CTNNA3: variants seen among roughly 807,000 people sequenced by gnomAD.
CTNNA3 encodes the protein catenin alpha 3.
A neutral mutation model predicts 95.7 loss-of-function variants in CTNNA3; 76 were observed. The ratio of observed to expected loss-of-function variants is 0.79; its 90% CI spans 0.66 to 0.96. CTNNA3 has a LOEUF of 0.96. Among genes scored for constraint, CTNNA3 ranks in the 40% least tolerant of loss-of-function variants. CTNNA3 has a pLI of 0.00. For missense variants in CTNNA3, 1,191 were observed against 1,089.8 expected (o/e 1.09, Z -1.31); for synonymous variants, 431 against 374.4 (o/e 1.15, Z -1.74).
At chr10:66,123,976 G>A (rs1383294074) in intron 13 of CTNNA3, among the ~76,000 whole-genome samples, 1 of 151,968 alleles carries the variant, frequency 6.6e-6, no homozygotes, top group Non-Finnish European at 1.5e-5. Context: ...GACATACCCT[G>A]GAGACATTAT....
chr10:66,809,229 T>C lies in CTNNA3; in HGVS notation c.1048-33705A>G, dbSNP rs926458784. Among the ~76,000 whole-genome samples, 3 of 152,322 alleles carry C rather than the reference T, an allele frequency of 2.0e-5. 1 individual carries two copies. The highest frequency in any genetic ancestry group is 4.4e-5 in the Non-Finnish European group (3 of 68,026). On this transcript the variant is annotated intron_variant, in intron 7 of 17. Coordinates refer to ENST00000433211, the MANE Select transcript of CTNNA3 (RefSeq NM_013266.4). ...AAAGCAGGCAATTTGACTGGAATTA[T>C]TAAATACATACATCTATCTGGCAAG...
intron 13 of CTNNA3, among the ~76,000 whole-genome samples, chr10:66,225,390 AATATATATAT>A (rs3053735): frequency 0.026 from 3,246 of 125,964 alleles, 150 homozygotes; most frequent in African/African-American, 0.093. Context: ...ATTTTATTCA[AATATATATAT>A]ATATATATAT....
rs151005592 is a variant in CTNNA3, at chr10:67,192,930, A to G, written c.844-12410T>C. ...ACTTACAATAGAATAGTATTCAGCT[A>G]TAAGAAATGAAGAAAATCTTGCCAT... On this transcript the variant is annotated intron_variant, in intron 6 of 17. Transcript: ENST00000433211. Among the ~76,000 whole-genome samples the G allele has an allele frequency of 2.0e-5, 3 of 152,182 alleles. No individual in the cohort carries two copies. In the East Asian group the frequency reaches 5.8e-4, roughly 29 times the overall value.
intron 12 of CTNNA3, among the ~76,000 whole-genome samples, chr10:66,350,237 G>T (rs1201308427): frequency 6.6e-6 from 1 of 152,066 alleles, no homozygotes; most frequent in African/African-American, 2.4e-5. Flanking sequence ...CTCACTGAAA[G>T]ACACATAAGA....
At chr10:67,129,623 T>C (rs570193893) in intron 7 of CTNNA3, among the ~76,000 whole-genome samples, 1 of 152,294 alleles carries the variant, frequency 6.6e-6, no homozygotes, top group South Asian at 2.1e-4. Flanking sequence ...ACTAGGATTT[T>C]ACAATCAAAC....
intron 5 of CTNNA3, among the ~76,000 whole-genome samples, chr10:67,350,910 G>GTATATATATATATATATATATA (rs3057678): frequency 1.4e-5 from 2 of 141,804 alleles, no homozygotes; most frequent in African/African-American, 5.2e-5. Context: ...AAAAGTATGT[G>GTATATATATATATATATATATA]TATATATATA....
chr10:67,431,614 TA>T, intron 5 of CTNNA3, among the ~76,000 whole-genome samples: 1 of 151,978 alleles, frequency 6.6e-6, no homozygotes, highest in South Asian at 2.1e-4. Context: ...GCCTGAAGGG[TA>T]CACTGAGAAT....
At chr10:66,812,756 T>G (rs1841931640) in intron 7 of CTNNA3, among the ~76,000 whole-genome samples, 1 of 152,162 alleles carries the variant, frequency 6.6e-6, no homozygotes, top group African/African-American at 2.4e-5. Flanking sequence ...CTTGCTTTCT[T>G]CATCACTAAC....
intron 15 of CTNNA3, among the ~76,000 whole-genome samples, chr10:66,000,631 T>C (rs947954704): frequency 2.0e-5 from 3 of 152,156 alleles, no homozygotes; most frequent in African/African-American, 4.8e-5. Context: ...TCCCATAACA[T>C]AGCGGTTGAT....
chr10:66,367,595 A>C (rs77709429), intron 12 of CTNNA3, among the ~76,000 whole-genome samples: 5,349 of 149,722 alleles, frequency 0.036, 123 homozygotes, highest in Non-Finnish European at 0.049. Context: ...GTGACACTAA[A>C]ATCTGGTTTC....
intron 10 of CTNNA3, among the ~76,000 whole-genome samples, chr10:66,587,279 T>C (rs770300157): frequency 4.7e-4 from 71 of 152,176 alleles, no homozygotes; most frequent in Non-Finnish European, 1.3e-4. Flanking sequence ...TGCTGGGTTA[T>C]TGTTTATGCA....
chr10:66,588,336 T>A (rs1296135011), intron 10 of CTNNA3, among the ~76,000 whole-genome samples: 1 of 152,140 alleles, frequency 6.6e-6, no homozygotes, highest in Non-Finnish European at 1.5e-5. Context: ...GTAGTTTCTT[T>A]CAGTTTTTCT....
intron 17 of CTNNA3, among the ~76,000 whole-genome samples, chr10:65,950,591 T>C (rs889825748): frequency 2.6e-5 from 4 of 152,202 alleles, no homozygotes; most frequent in African/African-American, 9.6e-5. Flanking sequence ...ATTTCATCTC[T>C]GGCTTTGAAG....
At chr10:66,447,337 A>G (rs965480251) in intron 11 of CTNNA3, among the ~76,000 whole-genome samples, 6 of 148,804 alleles carry the variant, frequency 4.0e-5, no homozygotes, top group Admixed American at 2.7e-4. Context: ...TAAAGGTCAT[A>G]TGGAACCAAA....
At chr10:66,368,955 A>T (rs2132456154) in intron 12 of CTNNA3, among the ~76,000 whole-genome samples, 1 of 152,292 alleles carries the variant, frequency 6.6e-6, no homozygotes. Context: ...CAGTGTTTAT[A>T]ATAAATGATA....
chr10:66,443,114 C>T (rs1261693773), intron 11 of CTNNA3, among the ~76,000 whole-genome samples: 5 of 152,086 alleles, frequency 3.3e-5, no homozygotes, highest in African/African-American at 4.8e-5. Context: ...GGGGGAGGGG[C>T]GCCTGTCATT....
At chr10:67,558,393 A>C (rs1327690063) in intron 3 of CTNNA3, among the ~76,000 whole-genome samples, 2 of 152,224 alleles carry the variant, frequency 1.3e-5, no homozygotes, top group Non-Finnish European at 2.9e-5. Context: ...CCATGCTTAA[A>C]AATAGGCTTT....
chr10:66,109,696 A>G (rs994814241), intron 13 of CTNNA3, among the ~76,000 whole-genome samples: 1 of 152,204 alleles, frequency 6.6e-6, no homozygotes, highest in African/African-American at 2.4e-5. Context: ...TAATAACATT[A>G]TGTTTACAAG....
At chr10:66,261,305 AT>A (rs2090990973) in intron 13 of CTNNA3, among the ~76,000 whole-genome samples, 6 of 152,024 alleles carry the variant, frequency 3.9e-5, no homozygotes, top group Admixed American at 2.6e-4. Context: ...TTCCTACCTC[AT>A]CTTCTTTTAC....
Sources: gnomAD v4.1 joint callset for allele counts (sites outside exome capture counted in the v4.1 genomes callset) on GRCh38, gnomAD v4.1.1 for gene constraint, MANE v1.5 for transcripts, NCBI Gene and HGNC (gene_info 2026-07-23, HGNC 2026-07-21) for gene names.